TTC3: variants seen among roughly 807,000 people sequenced by gnomAD.
TTC3 encodes the protein E3 ubiquitin-protein ligase TTC3.
A neutral mutation model predicts 249.6 loss-of-function variants in TTC3; 180 were observed. The observed-to-expected ratio is 0.72, with a 90% CI of 0.64 to 0.82. TTC3 has a LOEUF of 0.82. TTC3 is among the 40% of genes least tolerant of loss of function. The pLI is 0.00. For missense variants in TTC3, 2,061 were observed against 2,398.4 expected (o/e 0.86, Z 2.94); for synonymous variants, 717 against 805.0 (o/e 0.89, Z 1.85).
At chr21:37,170,910 T>G (rs530868307) in intron 34 of TTC3, among the ~76,000 whole-genome samples, 1 of 152,338 alleles carries the variant, frequency 6.6e-6, no homozygotes, top group African/African-American at 2.4e-5. Flanking sequence ...AATTAAACAA[T>G]AGTTTTTAAA....
At chr21:37,201,587 A>G (rs745690503) in exon 46 of TTC3, 9 of 1,609,730 alleles carry the variant, frequency 5.6e-6, no homozygotes, top group African/African-American at 1.3e-5. Flanking sequence ...ACACTTCACT[A>G]AAGTGTCATC....
intron 4 of TTC3, 38 bp from the exon 5 acceptor site, chr21:37,088,761 G>A: frequency 6.4e-7 from 1 of 1,554,906 alleles, no homozygotes; most frequent in East Asian, 2.3e-5. Flanking sequence ...TTGTATATAT[G>A]AGAATCTAAT....
intron 10 of TTC3, among the ~76,000 whole-genome samples, chr21:37,100,121 A>T (rs116591123): frequency 0.012 from 1,820 of 152,256 alleles, 42 homozygotes; most frequent in African/African-American, 0.04. Context: ...TGGGGAGAGA[A>T]GGAGGGAAAA....
intron 1 of TTC3, chr21:37,083,433 A>C: frequency 1.0e-6 from 1 of 982,608 alleles, no homozygotes; most frequent in South Asian, 4.7e-5. Context: ...AAGTCTGACC[A>C]GTTAGGAGAC....
intron 34 of TTC3, among the ~76,000 whole-genome samples, chr21:37,171,385 C>T (rs2081772072): frequency 6.6e-6 from 1 of 152,208 alleles, no homozygotes; most frequent in Admixed American, 6.5e-5. Context: ...CTACTTTCTC[C>T]TGGGACTTTG....
intron 20 of TTC3, among the ~76,000 whole-genome samples, chr21:37,142,249 A>G (rs1013000710): frequency 1.3e-5 from 2 of 152,250 alleles, no homozygotes; most frequent in Non-Finnish European, 2.9e-5. Flanking sequence ...AGTTCTGGCC[A>G]GGGCAATCAG....
chr21:37,152,099 TG>T, intron 26 of TTC3, 70 bp downstream of exon 26: 1 of 1,415,606 alleles, frequency 7.1e-7, no homozygotes, highest in South Asian at 1.7e-5. Flanking sequence ...AAGCATCTTT[TG>T]GGCCTTATAT....
At chr21:37,165,835 G>A (rs2081204579) in exon 33 of TTC3, 1 of 1,614,152 alleles carries the variant, frequency 6.2e-7, no homozygotes. Flanking sequence ...AACTACAACT[G>A]AATCCAGCTG....
chr21:37,090,636 A>G (rs953108387), intron 6 of TTC3: 2 of 652,240 alleles, frequency 3.1e-6, no homozygotes, highest in African/African-American at 3.9e-5. Flanking sequence ...CTCCAGATTC[A>G]ATGTTAAACC....
At chr21:37,073,970 T>C (rs2070431653) in intron 1 of TTC3, among the ~76,000 whole-genome samples, 1 of 152,246 alleles carries the variant, frequency 6.6e-6, no homozygotes, top group Non-Finnish European at 1.5e-5. Context: ...GCATGGGTCC[T>C]GTTGAGTGCG....
At chr21:37,175,539 G>A (rs1390611751) in intron 35 of TTC3, among the ~76,000 whole-genome samples, 1 of 144,398 alleles carries the variant, frequency 6.9e-6, no homozygotes, top group Non-Finnish European at 1.5e-5. Flanking sequence ...AGAGGTTGCA[G>A]TGAGCCAAGA....
exon 25 of TTC3, chr21:37,150,835 A>T (rs1213988025): frequency 1.2e-6 from 2 of 1,611,504 alleles, no homozygotes; most frequent in African/African-American, 1.3e-5. Flanking sequence ...ACACAAGGTC[A>T]TAAAAGAAAA....
chr21:37,193,996 A>G (rs746399558), intron 41 of TTC3: 1 of 152,240 alleles, frequency 6.6e-6, no homozygotes, highest in Non-Finnish European at 1.5e-5. Context: ...AGAGTTCCAG[A>G]TGGAACACAC....
exon 46 of TTC3, chr21:37,202,597 G>A (rs1444570355): frequency 6.6e-6 from 1 of 152,228 alleles, no homozygotes; most frequent in East Asian, 1.9e-4. Flanking sequence ...ATGCAGTCTT[G>A]TACTGTGACC....
At chr21:37,073,647 GGT>G (rs1442571942) in intron 1 of TTC3, among the ~76,000 whole-genome samples, 174 bp downstream of exon 1, 3 of 152,138 alleles carry the variant, frequency 2.0e-5, no homozygotes, top group Non-Finnish European at 4.4e-5. Flanking sequence ...CCGGTGCGAG[GGT>G]GTGAGTAGTC....
chr21:37,173,644 G>A (rs2148114838), intron 35 of TTC3, among the ~76,000 whole-genome samples: 1 of 152,324 alleles, frequency 6.6e-6, no homozygotes, highest in South Asian at 2.1e-4. Flanking sequence ...CAATAGCTGG[G>A]ATAACATATT....
At chr21:37,152,062 T>C (rs775071970) in intron 26 of TTC3, 33 bp downstream of exon 26, 57 of 1,526,972 alleles carry the variant, frequency 3.7e-5, no homozygotes, top group Admixed American at 7.1e-5. Context: ...ATAAGAATAA[T>C]ATACTCTCAT....
At chr21:37,084,500 A>G (rs1205056679) in intron 1 of TTC3, among the ~76,000 whole-genome samples, 1 of 152,210 alleles carries the variant, frequency 6.6e-6, no homozygotes, top group East Asian at 1.9e-4. Context: ...AGCTCTTTAC[A>G]TGTATTAACA....
intron 10 of TTC3, among the ~76,000 whole-genome samples, chr21:37,107,018 C>T (rs1377729173): frequency 1.3e-5 from 2 of 151,776 alleles, no homozygotes; most frequent in Non-Finnish European, 2.9e-5. Context: ...GTGTAAGAAT[C>T]CATTTCTAGT....
Sources: gnomAD v4.1 joint callset for allele counts (sites outside exome capture counted in the v4.1 genomes callset) on GRCh38, gnomAD v4.1.1 for gene constraint, MANE v1.5 for transcripts, NCBI Gene and HGNC (gene_info 2026-07-23, HGNC 2026-07-21) for gene names.